KLF3: variants seen among roughly 807,000 people sequenced by gnomAD.
KLF3 encodes the protein KLF transcription factor 3.
Under a neutral mutation model 32.7 loss-of-function variants are expected in KLF3, and 6 were observed. The ratio of observed to expected loss-of-function variants is 0.18; its 90% CI spans 0.10 to 0.36. The LOEUF is 0.36. KLF3 is among the 10% of genes least tolerant of loss of function. The pLI is 1.00. For synonymous variants in KLF3, 145 were observed against 172.8 expected, an observed-to-expected ratio of 0.84 and a Z score of 1.26; for missense variants, 338 against 449.7, an observed-to-expected ratio of 0.75 and a Z score of 2.25.
At chr4:38,665,325 C>A (rs1721997624) in intron 1 of KLF3, among the ~76,000 whole-genome samples, 1 of 152,080 alleles carries the variant, frequency 6.6e-6, no homozygotes, top group Non-Finnish European at 1.5e-5. Flanking sequence ...AGGGACAGAT[C>A]CCTGGATCAG....
Position 38,697,214 on chromosome 4 carries a change from C to T in KLF3, c.989C>T (p.Ser330Phe). 1 of 1,614,038 alleles carries T rather than the reference C, an allele frequency of 6.2e-7. No individual in the cohort carries two copies. ...FQCPDCDRSF[S>F]RSDHLALHRK... The stretch of plus-strand genomic sequence containing the variant: ...TGCCCGGACTGTGACCGCAGCTTCT[C>T]CCGTTCTGACCATCTTGCCCTCCAT... Residue 330 changes from serine (S) to phenylalanine (F), a missense_variant, in exon 6 of 6, where the codon TCC becomes TTC. By Grantham distance (155) the Ser-to-Phe change is radical. Transcript: ENST00000261438.
intron 2 of KLF3, among the ~76,000 whole-genome samples, chr4:38,685,828 G>A (rs1722676269): frequency 6.6e-6 from 1 of 152,274 alleles, no homozygotes; most frequent in Non-Finnish European, 1.5e-5. Flanking sequence ...AGGACTAGGC[G>A]AAATCATTCT....
intron 2 of KLF3, among the ~76,000 whole-genome samples, chr4:38,687,582 A>G (rs1012409921): frequency 6.6e-6 from 1 of 152,124 alleles, no homozygotes; most frequent in African/African-American, 2.4e-5. Context: ...TCTCTTCTGC[A>G]CTCCCTTGTT....
intron 2 of KLF3, among the ~76,000 whole-genome samples, chr4:38,686,936 C>A (rs995191390): frequency 6.6e-6 from 1 of 152,160 alleles, no homozygotes; most frequent in Non-Finnish European, 1.5e-5. Flanking sequence ...CATAACCAGC[C>A]GAGGATTCGC....
intron 2 of KLF3, among the ~76,000 whole-genome samples, chr4:38,685,978 T>G (rs2109249536): frequency 6.6e-6 from 1 of 152,348 alleles, no homozygotes; most frequent in Non-Finnish European, 1.5e-5. Context: ...TATTTAATAC[T>G]TAATGTTGCT....
chr4:38,692,705 A>T (rs1560420047), intron 4 of KLF3, among the ~76,000 whole-genome samples: 3 of 152,162 alleles, frequency 2.0e-5, no homozygotes, highest in South Asian at 4.1e-4. Context: ...TGTAAAATAA[A>T]CAACTGGAAA....
At chr4:38,681,830 C>G (rs145971946) in intron 2 of KLF3, among the ~76,000 whole-genome samples, 2 of 152,318 alleles carry the variant, frequency 1.3e-5, no homozygotes, top group African/African-American at 4.8e-5. Context: ...TGCATGGGCT[C>G]TGGAGGTTCC....
At chr4:38,670,167 A>G (rs1310999139) in intron 1 of KLF3, among the ~76,000 whole-genome samples, 1 of 152,156 alleles carries the variant, frequency 6.6e-6, no homozygotes, top group African/African-American at 2.4e-5. Context: ...GACAGAAGAG[A>G]GCAAGTTAAG....
At chr4:38,682,269 G>A (rs533723379) in intron 2 of KLF3, among the ~76,000 whole-genome samples, 6 of 152,336 alleles carry the variant, frequency 3.9e-5, no homozygotes, top group Non-Finnish European at 7.4e-5. Context: ...ATGTTGGCCA[G>A]GCTGGTCTTG....
intron 2 of KLF3, among the ~76,000 whole-genome samples, chr4:38,683,618 G>A (rs547202353): frequency 4.7e-5 from 7 of 150,318 alleles, no homozygotes; most frequent in Admixed American, 1.3e-4. Context: ...AAAAAAATGC[G>A]CATGTACATA....
At chr4:38,666,099 C>T (rs903676082) in intron 1 of KLF3, among the ~76,000 whole-genome samples, 1 of 152,132 alleles carries the variant, frequency 6.6e-6, no homozygotes, top group Admixed American at 6.5e-5. Context: ...GTGGGCTTTG[C>T]TGCAGAACTA....
chr4:38,676,257 A>G (rs188419597), intron 1 of KLF3, among the ~76,000 whole-genome samples: 358 of 152,250 alleles, frequency 2.4e-3, no homozygotes, highest in South Asian at 7.3e-3. Context: ...CCTAGCCAAC[A>G]TGGTGAAACC....
rs746543079 is a variant in KLF3 at position 38,688,740 on chromosome 4, A to G, written c.213A>G (p.Ser71=). The G allele has an allele frequency of 6.2e-7, 1 of 1,613,846 alleles. No homozygotes were observed. The highest frequency in any genetic ancestry group is 8.5e-7 in the Non-Finnish European group (1 of 1,179,946). ...PVDLTVNKRS[S]PPSAGNSPSS... ...ACCTCACGGTGAACAAGCGGAGTTC[A>G]CCCCCTTCGGCTGGGAATTCGCCCT... The change falls in exon 3 of 6, where the codon TCA becomes TCG. Residue 71 remains serine (S), a synonymous_variant. Coordinates refer to ENST00000261438, the MANE Select transcript of KLF3 (RefSeq NM_016531.6). This position sits in a 1 kb window ranked among gnomAD's most constrained non-coding sequence, Gnocchi z 4.9.
chr4:38,690,534 T>G (rs1245711845), intron 4 of KLF3: 1 of 152,256 alleles, frequency 6.6e-6, no homozygotes, highest in East Asian at 1.9e-4. Flanking sequence ...CCACCTCTGC[T>G]CTCTGCCATA....
At chr4:38,685,992 T>C (rs1722684323) in intron 2 of KLF3, among the ~76,000 whole-genome samples, 1 of 152,220 alleles carries the variant, frequency 6.6e-6, no homozygotes, top group African/African-American at 2.4e-5. Context: ...TGTTGCTATC[T>C]TTTGGATCTC....
chr4:38,674,782 A>G lies in KLF3; in HGVS notation c.-39-5805A>G, dbSNP rs1722292894. 2.2e-5 allele frequency among the ~76,000 whole-genome samples: 1 copy of G among 44,774 alleles called. No individual in the cohort carries two copies. The allele number at this position is 44,774 out of a possible 152,430, so 29.4% of individuals were successfully genotyped here. ...GCAGGTCTTGCTCTAACCCCAAGAA[A>G]CAGGAAACTGCTCCTGATACGTACA... On this transcript the variant is annotated intron_variant, in intron 1 of 5. Coordinates refer to ENST00000261438, the MANE Select transcript of KLF3 (RefSeq NM_016531.6). The surrounding 1 kb of genome is among the most constrained non-coding windows in gnomAD (Gnocchi z 4.1).
chr4:38,695,255 T>C (rs575151168), intron 5 of KLF3, among the ~76,000 whole-genome samples: 2 of 152,352 alleles, frequency 1.3e-5, no homozygotes, highest in African/African-American at 4.8e-5. Context: ...TTCACATACC[T>C]GCATTGTAAA....
At chr4:38,676,157 T>G (rs1443579160) in intron 1 of KLF3, among the ~76,000 whole-genome samples, 3 of 152,174 alleles carry the variant, frequency 2.0e-5, no homozygotes, top group Non-Finnish European at 4.4e-5. Context: ...AATAATAAAC[T>G]TGGCCGGGTG....
At chr4:38,696,300 G>C (rs16994725) in intron 5 of KLF3, among the ~76,000 whole-genome samples, 12,786 of 151,890 alleles carry the variant, frequency 0.084, 1,666 homozygotes, top group African/African-American at 0.28. Context: ...ATCCCTCAAG[G>C]CTTCTAGAGA....
Sources: gnomAD v4.1 joint callset for allele counts (sites outside exome capture counted in the v4.1 genomes callset) on GRCh38, gnomAD v4.1.1 for gene constraint, Gnocchi (gnomAD v3.1) non-coding constraint, MANE v1.5 for transcripts, NCBI Gene and HGNC (gene_info 2026-07-23, HGNC 2026-07-21) for gene names.